Variants in SLC6A4 observed in about 807,000 individuals in gnomAD.
SLC6A4 encodes the protein sodium-dependent serotonin transporter.
Under a neutral mutation model 73.4 loss-of-function variants are expected in SLC6A4, and 22 were observed. The observed-to-expected ratio is 0.30, with a 90% CI of 0.21 to 0.43. SLC6A4 has a LOEUF of 0.43. SLC6A4 is among the 20% of genes least tolerant of loss of function. The pLI, the probability that SLC6A4 is intolerant of heterozygous loss-of-function variation, is 1.00. For missense variants in SLC6A4, 593 were observed against 808.5 expected (o/e 0.73, Z 3.23); for synonymous variants, 270 against 315.5 (o/e 0.86, Z 1.53).
chr17:30,231,158 G>A (rs774633243), intron 1 of SLC6A4, among the ~76,000 whole-genome samples: 3 of 152,086 alleles, frequency 2.0e-5, no homozygotes, highest in Non-Finnish European at 2.9e-5. Flanking sequence ...TGAAAATGGC[G>A]CTGTGGTTAC....
At chr17:30,224,911 A>C (rs1684556456) in intron 1 of SLC6A4, among the ~76,000 whole-genome samples, 1 of 152,156 alleles carries the variant, frequency 6.6e-6, no homozygotes, top group African/African-American at 2.4e-5. Flanking sequence ...CAACTATGGT[A>C]AGCAGCTCCT....
intron 1 of SLC6A4, among the ~76,000 whole-genome samples, chr17:30,232,960 T>C (rs1907158716): frequency 6.6e-6 from 1 of 152,136 alleles, no homozygotes; most frequent in Non-Finnish European, 1.5e-5. Flanking sequence ...GGAAGAGCAA[T>C]TTGCCTTTCT....
intron 3 of SLC6A4, among the ~76,000 whole-genome samples, chr17:30,220,777 C>T (rs1361794866): frequency 1.3e-5 from 2 of 152,020 alleles, no homozygotes; most frequent in East Asian, 1.9e-4. Flanking sequence ...ACAGGGCTGA[C>T]GGCCATTCCC....
Position 30,196,942 on chromosome 17 carries a change from A to C in SLC6A4, c.*1514T>G, listed in dbSNP as rs201899549. ...GGAGGAAAACCTAGAATTGGACAGGATGTTTCCTCTGCTGTCTGGACCTTC... is the reference window on the plus strand; with the variant it reads ...GGAGGAAAACCTAGAATTGGACAGGCTGTTTCCTCTGCTGTCTGGACCTTC... On this transcript the variant is annotated 3_prime_UTR_variant, in exon 15 of 15. Coordinates refer to ENST00000650711, the MANE Select transcript of SLC6A4 (RefSeq NM_001045.6). 5.9e-5 allele frequency: 9 copies of C among 152,322 alleles called. No individual in the cohort carries two copies. Among genetic ancestry groups the C allele is most frequent in the African/African-American group, 2.2e-4 (9 of 41,438 alleles). 9.4% of individuals were successfully genotyped at this position (152,322 alleles called of 1,614,324 possible).
At chr17:30,226,111 T>A (rs1001058571) in intron 1 of SLC6A4, among the ~76,000 whole-genome samples, 2 of 152,230 alleles carry the variant, frequency 1.3e-5, no homozygotes, top group African/African-American at 4.8e-5. Context: ...TGTGTCAAGA[T>A]CAAAGTGAGT....
intron 10 of SLC6A4, among the ~76,000 whole-genome samples, 179 bp from the exon 11 acceptor site, chr17:30,210,825 TC>T (rs1382159660): frequency 6.6e-6 from 1 of 152,162 alleles, no homozygotes; most frequent in East Asian, 1.9e-4. Context: ...TTTTACACTG[TC>T]ATTTAAAGCC....
intron 1 of SLC6A4, among the ~76,000 whole-genome samples, chr17:30,229,507 G>A (rs1477969108): frequency 2.0e-5 from 3 of 152,024 alleles, no homozygotes; most frequent in African/African-American, 7.2e-5. Context: ...CAAGGAGCAG[G>A]GAGATCCTTG....
chr17:30,220,113 C>G (rs919628052), intron 3 of SLC6A4, among the ~76,000 whole-genome samples: 2 of 152,094 alleles, frequency 1.3e-5, no homozygotes, highest in African/African-American at 4.8e-5. Flanking sequence ...CCAGGGGCCC[C>G]CTGGAACTAC....
At chr17:30,226,187 C>T (rs969088295) in intron 1 of SLC6A4, among the ~76,000 whole-genome samples, 10 of 152,150 alleles carry the variant, frequency 6.6e-5, no homozygotes, top group African/African-American at 2.4e-4. Flanking sequence ...GTGGGTTTAA[C>T]GTTGAGATAG....
At chr17:30,210,287 G>A (rs751584425) in intron 11 of SLC6A4, among the ~76,000 whole-genome samples, 9 of 152,114 alleles carry the variant, frequency 5.9e-5, no homozygotes, top group South Asian at 2.1e-4. Flanking sequence ...TGGGATCTGC[G>A]GTAAAATGCT....
intron 1 of SLC6A4, among the ~76,000 whole-genome samples, chr17:30,224,633 C>T (rs1252670227): frequency 6.6e-6 from 1 of 152,202 alleles, no homozygotes; most frequent in East Asian, 1.9e-4. Flanking sequence ...TCTACCCAGG[C>T]CCAGAGGGTC....
chr17:30,228,809 T>C (rs957015045), intron 1 of SLC6A4, among the ~76,000 whole-genome samples: 1 of 152,222 alleles, frequency 6.6e-6, no homozygotes, highest in Admixed American at 6.5e-5. Flanking sequence ...TCGCCATTGA[T>C]TACCAGGCAT....
At position 30,196,640 on chromosome 17, in the gene SLC6A4, A is replaced by G. The variant is rs1905871454; in HGVS notation, c.*1816T>C. 6.6e-6 allele frequency: 1 copy of G among 152,350 alleles called. No individual in the cohort carries two copies. Among genetic ancestry groups the G allele is most frequent in the Non-Finnish European group, 1.5e-5 (1 of 68,040 alleles). The allele number at this position is 152,350 out of a possible 1,614,324, so 9.4% of individuals were successfully genotyped here. A position where few individuals can be genotyped will look rare whatever the true frequency, so the allele number is the denominator to read the frequency against. ...AATATTTACCACTGAACACGCTGGC[A>G]TTTAGATCACTTCCTTCTTTCAGCA... On this transcript the variant is annotated 3_prime_UTR_variant, in exon 15 of 15. Transcript: ENST00000650711.
At chr17:30,201,041 C>T (rs1373415060) in intron 14 of SLC6A4, among the ~76,000 whole-genome samples, 1 of 152,130 alleles carries the variant, frequency 6.6e-6, no homozygotes, top group Non-Finnish European at 1.5e-5. Context: ...CCTCGGCGTG[C>T]CAAAGTGCTG....
At chr17:30,212,039 C>T (rs1333678957) in intron 9 of SLC6A4, among the ~76,000 whole-genome samples, 3 of 152,194 alleles carry the variant, frequency 2.0e-5, no homozygotes, top group Non-Finnish European at 4.4e-5. Context: ...AACAAGAAGG[C>T]CCTGGGACCT....
chr17:30,209,429 T>G (rs963788052), intron 11 of SLC6A4, among the ~76,000 whole-genome samples, 187 bp from the exon 12 acceptor site: 1 of 152,102 alleles, frequency 6.6e-6, no homozygotes, highest in Non-Finnish European at 1.5e-5. Context: ...CCCAGCACTT[T>G]GGGAGGCTGA....
At chr17:30,234,711 G>T (rs981071195) in intron 1 of SLC6A4, among the ~76,000 whole-genome samples, 1 of 152,168 alleles carries the variant, frequency 6.6e-6, no homozygotes, top group Admixed American at 6.5e-5. Flanking sequence ...GAGTTAGCTA[G>T]CAGGCTCATA....
intron 1 of SLC6A4, among the ~76,000 whole-genome samples, chr17:30,225,425 A>G (rs1233164395): frequency 6.6e-6 from 1 of 152,218 alleles, no homozygotes; most frequent in Non-Finnish European, 1.5e-5. Flanking sequence ...AGACTTGCAC[A>G]TAACAATGGC....
At chr17:30,230,161 G>GGAAGAA (rs947578531) in intron 1 of SLC6A4, among the ~76,000 whole-genome samples, 1 of 151,084 alleles carries the variant, frequency 6.6e-6, no homozygotes, top group Non-Finnish European at 1.5e-5. Context: ...AAGAGGAAGA[G>GGAAGAA]GAAGAAGAAG....
Sources: gnomAD v4.1 joint callset for allele counts (sites outside exome capture counted in the v4.1 genomes callset) on GRCh38, gnomAD v4.1.1 for gene constraint, MANE v1.5 for transcripts, NCBI Gene and HGNC (gene_info 2026-07-23, HGNC 2026-07-21) for gene names.